Variants in KDM7A observed in about 807,000 individuals in gnomAD.
KDM7A encodes lysine-specific demethylase 7A.
Under a neutral mutation model 114.8 loss-of-function variants are expected in KDM7A, and 28 were observed. The observed-to-expected ratio is 0.24, with a 90% CI of 0.18 to 0.33. The LOEUF is 0.33. KDM7A is among the 10% of genes least tolerant of loss of function. The pLI is 1.00. For synonymous variants in KDM7A, 423 were observed against 397.8 expected, an observed-to-expected ratio of 1.06 and a Z score of -0.75; for missense variants, 942 against 1,142.5, an observed-to-expected ratio of 0.82 and a Z score of 2.53.
At chr7:140,097,081 TA>T in intron 15 of KDM7A, 34 bp from the exon 16 acceptor site, 1 of 1,561,252 alleles carries the variant, frequency 6.4e-7, no homozygotes, top group Non-Finnish European at 8.8e-7. Flanking sequence ...CAAAGCTACA[TA>T]AGAAATTGAC....
At chr7:140,162,995 CCT>C (rs1491471234) in intron 1 of KDM7A, among the ~76,000 whole-genome samples, 9 of 148,178 alleles carry the variant, frequency 6.1e-5, no homozygotes, top group Admixed American at 6.0e-4. Context: ...GCTTTTCTTT[CCT>C]TTTTTTTTTT....
In KDM7A at chr7:140,176,704, C is replaced by A; in HGVS notation, c.194+40G>T. On this transcript the variant is annotated intron_variant, in intron 1 of 19. Coordinates refer to ENST00000397560, the MANE Select transcript of KDM7A (RefSeq NM_030647.2). This position sits in a 1 kb window ranked among gnomAD's most constrained non-coding sequence, Gnocchi z 4.4. ...GGCGGCGGCGGCGGTTGGTCGGTGG[C>A]CGGCGGTGGCGGCTGCGGGGCTGGA... 8.4e-7 allele frequency: 1 copy of A among 1,184,600 alleles called. No individual in the cohort carries two copies. Among genetic ancestry groups the A allele is most frequent in the Non-Finnish European group, 1.1e-6 (1 of 937,006 alleles). The allele number at this position is 1,184,600 out of a possible 1,614,324, so 73.4% of individuals were successfully genotyped here.
intron 9 of KDM7A, among the ~76,000 whole-genome samples, chr7:140,115,511 CTG>C (rs1435239638): frequency 6.6e-6 from 1 of 152,198 alleles, no homozygotes; most frequent in Non-Finnish European, 1.5e-5. Flanking sequence ...CCCGTGCTCT[CTG>C]AAACAGGTGC....
chr7:140,145,049 A>G (rs534977073), intron 1 of KDM7A, among the ~76,000 whole-genome samples: 8 of 152,326 alleles, frequency 5.3e-5, no homozygotes, highest in South Asian at 2.1e-4. Flanking sequence ...CCTCTTCTCT[A>G]TAAGTGACTC....
chr7:140,088,835 C>A lies in KDM7A; in HGVS notation c.*2259G>T. 3.7e-6 allele frequency: 1 copy of A among 269,960 alleles called. No homozygotes were observed. The highest frequency in any genetic ancestry group is 6.8e-6 in the Non-Finnish European group (1 of 146,254). The allele number at this position is 269,960 out of a possible 1,614,324, so 16.7% of individuals were successfully genotyped here. A position where few individuals can be genotyped will look rare whatever the true frequency, so the allele number is the denominator to read the frequency against. On this transcript the variant is annotated 3_prime_UTR_variant, in exon 20 of 20. Coordinates refer to ENST00000397560, the MANE Select transcript of KDM7A (RefSeq NM_030647.2). ...CTAAGGACACAGTGGATACTGGCCA[C>A]AATTTTAATTCATAAAAATAAATTA...
intron 19 of KDM7A, 47 bp downstream of exon 19, chr7:140,091,757 C>G: frequency 1.3e-6 from 2 of 1,594,604 alleles, no homozygotes; most frequent in East Asian, 2.2e-5. Flanking sequence ...TGATGACCAT[C>G]ACATACAGTC....
At chr7:140,166,573 C>A (rs941641143) in intron 1 of KDM7A, among the ~76,000 whole-genome samples, 3 of 151,960 alleles carry the variant, frequency 2.0e-5, no homozygotes, top group Non-Finnish European at 2.9e-5. Context: ...CCTGGACTCA[C>A]GCCATCCACC....
intron 1 of KDM7A, 37 bp from the exon 2 acceptor site, chr7:140,139,227 G>A (rs1818916874): frequency 7.0e-7 from 1 of 1,437,856 alleles, no homozygotes; most frequent in Admixed American, 1.7e-5. Flanking sequence ...ATGTAAGTAA[G>A]TTGAAAATCT....
intron 1 of KDM7A, among the ~76,000 whole-genome samples, chr7:140,173,437 T>C (rs1451318481): frequency 6.6e-6 from 1 of 152,170 alleles, no homozygotes; most frequent in African/African-American, 2.4e-5. Context: ...CAGGTCTTCC[T>C]TCCCTGTCAC....
At chr7:140,137,390 T>A (rs1327967696) in intron 2 of KDM7A, among the ~76,000 whole-genome samples, 1 of 152,258 alleles carries the variant, frequency 6.6e-6, no homozygotes, top group Non-Finnish European at 1.5e-5. Flanking sequence ...ACTTAGTATT[T>A]CATAGAAGTT....
At position 140,091,787 on chromosome 7, in the gene KDM7A, A is replaced by G. The variant is rs199934804; in HGVS notation, c.2731+17T>C. The stretch of plus-strand genomic sequence containing the variant: ...ACAGTCAGAAATATACTTTCTCTAT[A>G]CATGTGTGAAAGTTACCTTTTGTTG... On this transcript the variant is annotated intron_variant, in intron 19 of 19. Coordinates refer to ENST00000397560, the MANE Select transcript of KDM7A (RefSeq NM_030647.2). 16 of 1,608,646 alleles carry G rather than the reference A, an allele frequency of 9.9e-6. No individual in the cohort carries two copies. Among genetic ancestry groups the G allele is most frequent in the African/African-American group, 2.7e-5 (2 of 74,326 alleles).
At chr7:140,123,560 A>T (rs1304132529) in intron 7 of KDM7A, among the ~76,000 whole-genome samples, 1 of 152,200 alleles carries the variant, frequency 6.6e-6, no homozygotes, top group African/African-American at 2.4e-5. Context: ...TTTGCATTAC[A>T]TACTTACCAG....
At chr7:140,114,153 T>C (rs1473030876) in intron 9 of KDM7A, among the ~76,000 whole-genome samples, 2 of 152,070 alleles carry the variant, frequency 1.3e-5, no homozygotes, top group African/African-American at 2.4e-5. Flanking sequence ...TAACATAGTA[T>C]TGAAAATATA....
chr7:140,101,810 G>A (rs897650571), intron 12 of KDM7A, 141 bp downstream of exon 12: 1 of 639,928 alleles, frequency 1.6e-6, no homozygotes, highest in East Asian at 2.7e-5. Context: ...CCCTGTCACA[G>A]GCATAACTAC....
intron 9 of KDM7A, among the ~76,000 whole-genome samples, chr7:140,114,818 C>A (rs1379176318): frequency 6.7e-6 from 1 of 150,302 alleles, no homozygotes; most frequent in African/African-American, 2.5e-5. Flanking sequence ...TGCCCGGCCG[C>A]GACCCCGTCT....
intron 5 of KDM7A, among the ~76,000 whole-genome samples, chr7:140,127,202 C>A (rs1272998955): frequency 6.6e-6 from 1 of 152,208 alleles, no homozygotes; most frequent in East Asian, 1.9e-4. Flanking sequence ...CTCAAGCGAT[C>A]CACTCGCCTT....
At chr7:140,175,795 C>A (rs1040748670) in intron 1 of KDM7A, among the ~76,000 whole-genome samples, 5 of 142,970 alleles carry the variant, frequency 3.5e-5, no homozygotes, top group African/African-American at 1.3e-4. Flanking sequence ...GCAGCGTCCG[C>A]CCGGCCGACT....
chr7:140,086,105 A>G lies in KDM7A; in HGVS notation c.*4989T>C, dbSNP rs1817920062. 1 of 152,228 alleles carries G rather than the reference A, an allele frequency of 6.6e-6. No individual in the cohort carries two copies. Among genetic ancestry groups the G allele is most frequent in the African/African-American group, 2.4e-5 (1 of 41,462 alleles). 9.4% of individuals were successfully genotyped at this position (152,228 alleles called of 1,614,324 possible). ...TTACCTTTATAATTAAGCTCCATTT[A>G]TGACTACTTTCTGAAAGAAAGAGAA... On this transcript the variant is annotated 3_prime_UTR_variant, in exon 20 of 20. Coordinates refer to ENST00000397560, the MANE Select transcript of KDM7A (RefSeq NM_030647.2).
At chr7:140,123,536 T>G (rs1015159785) in intron 7 of KDM7A, among the ~76,000 whole-genome samples, 3 of 152,306 alleles carry the variant, frequency 2.0e-5, no homozygotes, top group South Asian at 2.1e-4. Flanking sequence ...ACATTTTTTT[T>G]GGATCTTGGA....
Sources: gnomAD v4.1 joint callset for allele counts (sites outside exome capture counted in the v4.1 genomes callset) on GRCh38, gnomAD v4.1.1 for gene constraint, Gnocchi (gnomAD v3.1) non-coding constraint, MANE v1.5 for transcripts, NCBI Gene and HGNC (gene_info 2026-07-23, HGNC 2026-07-21) for gene names.